The following KIRREL3 variants were observed in gnomAD, a reference collection of about 807,000 sequenced individuals.
KIRREL3 encodes the protein kirre like nephrin family adhesion molecule 3.
Under a neutral mutation model 89.7 loss-of-function variants are expected in KIRREL3, and 36 were observed. The ratio of observed to expected loss-of-function variants is 0.40; its 90% CI spans 0.31 to 0.53. KIRREL3 has a LOEUF of 0.53. Among genes scored for constraint, KIRREL3 ranks in the 20% least tolerant of loss-of-function variants. KIRREL3 has a pLI of 0.49. For missense variants in KIRREL3, 864 were observed against 1,056.6 expected (o/e 0.82, Z 2.53); for synonymous variants, 445 against 441.4 (o/e 1.01, Z -0.10).
chr11:126,457,361 GTGTGTATGCGTGTA>G (rs1343000288), intron 6 of KIRREL3, among the ~76,000 whole-genome samples: 3 of 87,750 alleles, frequency 3.4e-5, no homozygotes, highest in South Asian at 4.1e-4. Flanking sequence ...GTATGTCTCT[GTGTGTATGCGTGTA>G]TGTGTGTATG....
chr11:126,830,346 T>C lies in KIRREL3; in HGVS notation c.55+170109A>G, dbSNP rs1245784948. Among the ~76,000 whole-genome samples, 1 of 152,190 alleles carries C rather than the reference T, an allele frequency of 6.6e-6. No individual in the cohort carries two copies. Among genetic ancestry groups the C allele is most frequent in the African/African-American group, 2.4e-5 (1 of 41,442 alleles). On this transcript the variant is annotated intron_variant, in intron 1 of 16. Transcript: ENST00000525144. The surrounding 1 kb of genome is among the most constrained non-coding windows in gnomAD (Gnocchi z 4.9). ...TTTCCATCCTCCTGCTTCATAAGTA[T>C]GAACAGCATCATTACCAAGTGGCGC...
At chr11:126,927,823 G>A (rs1452645917) in intron 1 of KIRREL3, among the ~76,000 whole-genome samples, 1 of 152,224 alleles carries the variant, frequency 6.6e-6, no homozygotes, top group East Asian at 1.9e-4. Context: ...CTTGGAATGT[G>A]GAGAGGCAGC....
intron 1 of KIRREL3, among the ~76,000 whole-genome samples, chr11:126,799,796 G>A (rs936763098): frequency 3.9e-5 from 6 of 152,112 alleles, no homozygotes; most frequent in African/African-American, 1.4e-4. Context: ...TGCCCTGAGT[G>A]ATTTCTTATG....
At chr11:126,794,147 G>T (rs899167741) in intron 1 of KIRREL3, among the ~76,000 whole-genome samples, 15 of 152,204 alleles carry the variant, frequency 9.9e-5, no homozygotes, top group Admixed American at 9.8e-4. Flanking sequence ...AAGTCCAACA[G>T]AATTCAGATA....
chr11:126,768,389 T>A lies in KIRREL3; in HGVS notation c.56-205477A>T, dbSNP rs568777273. 1.1e-4 allele frequency among the ~76,000 whole-genome samples: 17 copies of A among 152,368 alleles called. No homozygotes were observed. The highest frequency in any genetic ancestry group is 2.2e-4 in the Non-Finnish European group (15 of 68,032). On this transcript the variant is annotated intron_variant, in intron 1 of 16. Coordinates refer to ENST00000525144, the MANE Select transcript of KIRREL3 (RefSeq NM_032531.4). The surrounding 1 kb of genome is among the most constrained non-coding windows in gnomAD (Gnocchi z 4.5). Reference sequence around the variant, plus strand: ...GTGCTCATTGTATGCAGGCACTGCATGTCCCAGGTCTGGAAATGCCTATGA... The same window carrying A: ...GTGCTCATTGTATGCAGGCACTGCAAGTCCCAGGTCTGGAAATGCCTATGA...
chr11:126,966,823 T>A (rs1475100541), intron 1 of KIRREL3, among the ~76,000 whole-genome samples: 1 of 152,204 alleles, frequency 6.6e-6, no homozygotes, highest in Non-Finnish European at 1.5e-5. Flanking sequence ...CTCAGGAAGA[T>A]AATAAACCTA....
Position 126,551,165 on chromosome 11 carries a change from G to T in KIRREL3, c.133+11670C>A, listed in dbSNP as rs1040280410. On this transcript the variant is annotated intron_variant, in intron 2 of 16. Transcript: ENST00000525144. The surrounding 1 kb of genome is among the most constrained non-coding windows in gnomAD (Gnocchi z 4.9). The stretch of plus-strand genomic sequence containing the variant: ...GAGCTTCCACGCCCTCCCTGAGTGC[G>T]CCACCCTCCAGGAAGCTTTACATGC... 6.6e-6 allele frequency among the ~76,000 whole-genome samples: 1 copy of T among 152,126 alleles called. No homozygotes were observed. Among genetic ancestry groups the T allele is most frequent in the Non-Finnish European group, 1.5e-5 (1 of 68,018 alleles).
Position 126,761,918 on chromosome 11 carries a change from C to T in KIRREL3, c.56-199006G>A, listed in dbSNP as rs945393553. ...TTTGGGCTGGGTGAGGTGGCTCAAG[C>T]CTGTAATCCCAACACTTTGGGAGGC... On this transcript the variant is annotated intron_variant, in intron 1 of 16. Coordinates refer to ENST00000525144, the MANE Select transcript of KIRREL3 (RefSeq NM_032531.4). The surrounding 1 kb of genome is among the most constrained non-coding windows in gnomAD (Gnocchi z 4.4). Among the ~76,000 whole-genome samples, 3 of 152,144 alleles carry T rather than the reference C, an allele frequency of 2.0e-5. No individual in the cohort carries two copies. Among genetic ancestry groups the T allele is most frequent in the Non-Finnish European group, 2.9e-5 (2 of 68,016 alleles).
At chr11:126,584,896 C>A (rs1353320842) in intron 1 of KIRREL3, among the ~76,000 whole-genome samples, 1 of 151,250 alleles carries the variant, frequency 6.6e-6, no homozygotes, top group African/African-American at 2.4e-5. Flanking sequence ...AAGGAAGTAA[C>A]CTTTTTCTTT....
chr11:126,516,286 G>A lies in KIRREL3; in HGVS notation c.433+5029C>T, dbSNP rs781697151. Among the ~76,000 whole-genome samples the A allele has an allele frequency of 1.1e-4, 16 of 152,082 alleles. No homozygotes were observed. Among genetic ancestry groups the A allele is most frequent in the Non-Finnish European group, 1.6e-4 (11 of 68,018 alleles). ...AAGACAGCAGAGTTAATATTAGAAC[G>A]GGCCAGGAAGAAGAGGGAAATGAGG... On this transcript the variant is annotated intron_variant, in intron 4 of 16. Coordinates refer to ENST00000525144, the MANE Select transcript of KIRREL3 (RefSeq NM_032531.4). The surrounding 1 kb of genome is among the most constrained non-coding windows in gnomAD (Gnocchi z 4.9).
chr11:126,554,031 C>A (rs778704752), intron 2 of KIRREL3, among the ~76,000 whole-genome samples: 1 of 152,132 alleles, frequency 6.6e-6, no homozygotes. Flanking sequence ...ACGTGTTGAT[C>A]GAATCCAGCA....
chr11:126,869,474 T>G (rs1252474922), intron 1 of KIRREL3, among the ~76,000 whole-genome samples: 1 of 152,184 alleles, frequency 6.6e-6, no homozygotes. Flanking sequence ...TCTGGGCGAC[T>G]GAAAGTAGGA....
chr11:126,799,650 C>CA (rs1440173295), intron 1 of KIRREL3, among the ~76,000 whole-genome samples: 3 of 152,086 alleles, frequency 2.0e-5, no homozygotes, highest in Non-Finnish European at 4.4e-5. Context: ...CTCCTTAGAG[C>CA]AGGGAGCCAG....
At position 126,628,840 on chromosome 11, in the gene KIRREL3, G is replaced by C. The variant is rs140912854; in HGVS notation, c.56-65928C>G. On this transcript the variant is annotated intron_variant, in intron 1 of 16. Transcript: ENST00000525144. The surrounding 1 kb of genome is among the most constrained non-coding windows in gnomAD (Gnocchi z 5.2). The stretch of plus-strand genomic sequence containing the variant: ...GCTCTGCCTGTGCAGGGTCCATCCT[G>C]AGGAGAGTCTGAGCAACTGAGGATG... Among the ~76,000 whole-genome samples the C allele has an allele frequency of 3.9e-4, 59 of 152,312 alleles. 1 individual carries two copies. The East Asian group carries it at 0.011, about 29-fold the overall frequency.
chr11:126,809,705 C>A (rs565684811), intron 1 of KIRREL3, among the ~76,000 whole-genome samples: 2 of 152,310 alleles, frequency 1.3e-5, no homozygotes, highest in South Asian at 4.1e-4. Flanking sequence ...GTGCCTAAGG[C>A]CCCGCCCTGT....
Position 126,623,125 on chromosome 11 carries a change from A to T in KIRREL3, c.56-60213T>A, listed in dbSNP as rs1428360812. The stretch of plus-strand genomic sequence containing the variant: ...AAGAGACTTTGGCTCCACTTTAGAC[A>T]TAAGAAAACAGAAATAGGTCATCAT... On this transcript the variant is annotated intron_variant, in intron 1 of 16. Coordinates refer to ENST00000525144, the MANE Select transcript of KIRREL3 (RefSeq NM_032531.4). The surrounding 1 kb of genome is among the most constrained non-coding windows in gnomAD (Gnocchi z 4.1). Among the ~76,000 whole-genome samples the T allele has an allele frequency of 6.6e-6, 1 of 152,208 alleles. No individual in the cohort carries two copies. The highest frequency in any genetic ancestry group is 6.5e-5 in the Admixed American group (1 of 15,280).
rs1366786777 is a variant in KIRREL3, at chr11:126,750,277, G to A, written c.56-187365C>T. ...CTTCTACTATGGTACTTCCTTCTCC[G>A]TAGCCACCCCATTGAACACATTTCT... is the stretch of plus-strand genomic sequence containing the variant. On this transcript the variant is annotated intron_variant, in intron 1 of 16. Transcript: ENST00000525144. The surrounding 1 kb of genome is among the most constrained non-coding windows in gnomAD (Gnocchi z 4.2). 6.6e-6 allele frequency among the ~76,000 whole-genome samples: 1 copy of A among 152,090 alleles called. No homozygotes were observed. The highest frequency in any genetic ancestry group is 2.1e-4 in the South Asian group (1 of 4,830).
Position 126,521,339 on chromosome 11 carries a change from G to A in KIRREL3, c.409C>T (p.Arg137Cys). The A allele has an allele frequency of 1.9e-6, 3 of 1,551,808 alleles. No individual in the cohort carries two copies. The highest frequency in any genetic ancestry group is 1.2e-5 in the South Asian group (1 of 83,994). ...CCCAGGACTGTGAGGCGTGCGGGGC[G>A]GGAGCGGATGGCGGCCTGGATGGCC... ...CQAIQAAIRS[R>C]PARLTVLVPP... Residue 137 changes from arginine (R) to cysteine (C), a missense_variant, in exon 4 of 17, where the codon CGC becomes TGC. Transcript: ENST00000525144. This position sits in a 1 kb window ranked among gnomAD's most constrained non-coding sequence, Gnocchi z 4.1.
rs1251553739 is a variant in KIRREL3, at chr11:126,641,543, A to T, written c.56-78631T>A. On this transcript the variant is annotated intron_variant, in intron 1 of 16. Transcript: ENST00000525144. The surrounding 1 kb of genome is among the most constrained non-coding windows in gnomAD (Gnocchi z 5.0). The stretch of plus-strand genomic sequence containing the variant: ...TTACCACCTAGACTGTGAGCAAATA[A>T]CATTCTGGCCAGTGGGATATGTCTC... Among the ~76,000 whole-genome samples, 1 of 152,120 alleles carries T rather than the reference A, an allele frequency of 6.6e-6. No individual in the cohort carries two copies. The highest frequency in any genetic ancestry group is 1.9e-4 in the East Asian group (1 of 5,182).
Sources: allele counts gnomAD v4.1 joint callset (sites outside exome capture counted in the v4.1 genomes callset), GRCh38; gene constraint gnomAD v4.1.1; non-coding constraint Gnocchi (gnomAD v3.1); transcripts MANE v1.5; gene names NCBI Gene and HGNC (gene_info 2026-07-23, HGNC 2026-07-21).